The following CTDP1 variants were observed in gnomAD, a reference collection of about 807,000 sequenced individuals.
CTDP1 encodes the protein CTD phosphatase 1, also known as RNA polymerase II subunit A C-terminal domain phosphatase.
Under a neutral mutation model 91.8 loss-of-function variants are expected in CTDP1, and 47 were observed. The observed-to-expected ratio is 0.51, with a 90% CI of 0.41 to 0.65. The LOEUF (loss-of-function observed/expected upper bound fraction) is 0.65, where lower values mean the gene tolerates loss of function less well. Among genes scored for constraint, CTDP1 ranks in the 30% least tolerant of loss-of-function variants. The pLI is 0.00. For missense variants in CTDP1, 1,272 were observed against 1,373.7 expected, an observed-to-expected ratio of 0.93 and a Z score of 1.17; for synonymous variants, 656 against 598.5, an observed-to-expected ratio of 1.10 and a Z score of -1.40.
chr18:79,738,957 G>A (rs1000655509), intron 12 of CTDP1, among the ~76,000 whole-genome samples: 7 of 152,318 alleles, frequency 4.6e-5, no homozygotes, highest in South Asian at 2.1e-4. Context: ...TTGCCTGGCC[G>A]TACCTTCCTT....
At chr18:79,749,359 A>G (rs919819586) in intron 12 of CTDP1, among the ~76,000 whole-genome samples, 5 of 151,368 alleles carry the variant, frequency 3.3e-5, no homozygotes, top group Non-Finnish European at 7.4e-5. Flanking sequence ...TGCCCCTGAT[A>G]CGTCCAACCC....
At chr18:79,742,551 C>T (rs988507475) in intron 12 of CTDP1, among the ~76,000 whole-genome samples, 8 of 152,220 alleles carry the variant, frequency 5.3e-5, no homozygotes, top group Non-Finnish European at 1.2e-4. Context: ...AATCTGAATC[C>T]ACACAAACAA....
chr18:79,749,845 G>A (rs1015526774), intron 12 of CTDP1: 2 of 152,230 alleles, frequency 1.3e-5, no homozygotes. Context: ...GGGTTTTCCC[G>A]GAACAGCCGT....
intron 1 of CTDP1, 133 bp downstream of exon 1, chr18:79,680,394 C>G (rs113723374): frequency 5.2e-4 from 354 of 675,440 alleles, no homozygotes; most frequent in Non-Finnish European, 6.2e-4. Flanking sequence ...GACGCAGGCA[C>G]TGCGCTTCTC....
chr18:79,720,961 C>T (rs572647884), intron 10 of CTDP1, among the ~76,000 whole-genome samples: 1 of 152,280 alleles, frequency 6.6e-6, no homozygotes, highest in South Asian at 2.1e-4. Context: ...ACGTTTCACT[C>T]AGCAATACCA....
At chr18:79,732,815 A>C (rs577336328) in intron 11 of CTDP1, among the ~76,000 whole-genome samples, 25 of 151,252 alleles carry the variant, frequency 1.7e-4, no homozygotes, top group African/African-American at 5.6e-4. Context: ...GTGCTCCCAA[A>C]ATCATGAGAT....
At chr18:79,748,835 A>T (rs1326579630) in intron 12 of CTDP1, among the ~76,000 whole-genome samples, 1 of 151,370 alleles carries the variant, frequency 6.6e-6, no homozygotes, top group Non-Finnish European at 1.5e-5. Context: ...GGGAGCCGTG[A>T]CTGCACATGA....
At chr18:79,705,330 G>A (rs544711942) in intron 5 of CTDP1, among the ~76,000 whole-genome samples, 18 of 152,300 alleles carry the variant, frequency 1.2e-4, no homozygotes, top group East Asian at 3.9e-4. Flanking sequence ...AGGGTTTAGC[G>A]TTTGCTTCTG....
chr18:79,717,724 T>C, intron 9 of CTDP1, 48 bp downstream of exon 9: 1 of 1,613,216 alleles, frequency 6.2e-7, no homozygotes, highest in Non-Finnish European at 8.5e-7. Context: ...GTTCCCTTGC[T>C]GGACAGCTGT....
intron 11 of CTDP1, chr18:79,736,149 C>T (rs528309465): frequency 4.6e-6 from 3 of 647,086 alleles, no homozygotes; most frequent in Non-Finnish European, 8.2e-6. Context: ...ACTGGGTTTG[C>T]TCTGTGGATT....
rs771616103 is a variant in CTDP1, at chr18:79,717,914, G to A, written c.2315G>A (p.Arg772Gln). 27 of 1,613,538 alleles carry A rather than the reference G, an allele frequency of 1.7e-5. No homozygotes were observed. The highest frequency in any genetic ancestry group is 4.4e-5 in the South Asian group (4 of 91,086). The change falls in exon 10 of 13, where the codon CGG becomes CAG. Residue 772 changes from arginine to glutamine, a missense_variant. Physicochemically the swap from Arg to Gln is conservative, Grantham distance 43. Coordinates refer to ENST00000613122, the MANE Select transcript of CTDP1 (RefSeq NM_004715.5). ...AAGGCCCAGCCTGGCCCCGAGGTTC[G>A]GATCTACGACTCCAACACGGGGAAG... ...LPKAQPGPEV[R>Q]IYDSNTGKLI...
intron 10 of CTDP1, among the ~76,000 whole-genome samples, chr18:79,720,138 C>T (rs998920479): frequency 4.1e-5 from 6 of 146,178 alleles, no homozygotes; most frequent in Non-Finnish European, 9.0e-5. Context: ...GATGATGTCA[C>T]CTCCCACTGT....
At chr18:79,708,305 AC>A (rs2086009044) in intron 5 of CTDP1, among the ~76,000 whole-genome samples, 1 of 152,200 alleles carries the variant, frequency 6.6e-6, no homozygotes, top group African/African-American at 2.4e-5. Context: ...GTATGTTTTA[AC>A]CTGTATCAAA....
chr18:79,697,708 C>A, intron 3 of CTDP1, 152 bp from the exon 4 acceptor site: 2 of 1,148,886 alleles, frequency 1.7e-6, no homozygotes, highest in Non-Finnish European at 2.5e-6. Context: ...GGTGACCCAG[C>A]CCTGCCTCTC....
At chr18:79,708,612 G>A (rs905331456) in intron 5 of CTDP1, among the ~76,000 whole-genome samples, 8 of 152,264 alleles carry the variant, frequency 5.3e-5, no homozygotes, top group Admixed American at 2.6e-4. Context: ...TGTGGGCTGC[G>A]TGGTTGGACT....
intron 4 of CTDP1, among the ~76,000 whole-genome samples, chr18:79,703,329 CTT>C (rs1228826627): frequency 1.3e-5 from 2 of 152,036 alleles, no homozygotes; most frequent in Admixed American, 1.3e-4. Context: ...AGTCATCTAC[CTT>C]TTTTTAAAGC....
intron 2 of CTDP1, among the ~76,000 whole-genome samples, chr18:79,695,597 G>C (rs1425301600): frequency 6.6e-6 from 1 of 152,232 alleles, no homozygotes; most frequent in East Asian, 1.9e-4. Flanking sequence ...TGAGTGCCTG[G>C]AGCAGCCCCT....
intron 7 of CTDP1, 140 bp from the exon 8 acceptor site, chr18:79,714,351 C>CT: frequency 1.0e-6 from 1 of 959,656 alleles, no homozygotes; most frequent in East Asian, 2.6e-5. Flanking sequence ...TGTCCGGCCT[C>CT]TTCACAGCAA....
At chr18:79,719,556 C>T (rs939747460) in intron 10 of CTDP1, among the ~76,000 whole-genome samples, 1 of 151,958 alleles carries the variant, frequency 6.6e-6, no homozygotes, top group Admixed American at 6.6e-5. Context: ...GTGATGTCAC[C>T]TCCAGTTGTT....
Sources: gnomAD v4.1 joint callset for allele counts (sites outside exome capture counted in the v4.1 genomes callset) on GRCh38, gnomAD v4.1.1 for gene constraint, MANE v1.5 for transcripts, NCBI Gene and HGNC (gene_info 2026-07-23, HGNC 2026-07-21) for gene names.